The following PAM variants were observed in gnomAD, a reference collection of about 807,000 sequenced individuals.
PAM encodes the protein peptidylglycine alpha-amidating monooxygenase.
In PAM, 72 loss-of-function variants were observed where a neutral mutation model predicts 122.1. The ratio of observed to expected loss-of-function variants is 0.59; its 90% CI spans 0.49 to 0.72. The LOEUF (loss-of-function observed/expected upper bound fraction) is 0.72, where lower values mean the gene tolerates loss of function less well. Ranked by LOEUF, PAM falls within the 30% of genes least tolerant of loss-of-function variation. The pLI is 0.00. For missense variants in PAM, 1,106 were observed against 1,183.7 expected (o/e 0.93, Z 0.96); for synonymous variants, 389 against 404.4 (o/e 0.96, Z 0.46).
intron 4 of PAM, among the ~76,000 whole-genome samples, chr5:102,910,712 C>T (rs551055027): frequency 7.0e-4 from 107 of 151,824 alleles, no homozygotes; most frequent in Non-Finnish European, 1.3e-3. Flanking sequence ...GTTTATTCTG[C>T]CTGTCAGAAT....
intron 5 of PAM, among the ~76,000 whole-genome samples, chr5:102,922,995 G>A (rs1329807267): frequency 1.3e-5 from 2 of 152,170 alleles, no homozygotes; most frequent in African/African-American, 4.8e-5. Flanking sequence ...GTAATGATCA[G>A]TCATCATAAG....
At position 103,006,966 on chromosome 5, in the gene PAM, G is replaced by T; in HGVS notation, c.1969G>T (p.Val657Leu). The stretch of plus-strand genomic sequence containing the variant: ...AGATGGTTACTGCAACAGCAGGATT[G>T]TGCAGTTTTCACCAAGTGGAAAGTT... ...VSDGYCNSRI[V>L]QFSPSGKFIT... The change falls in exon 19 of 26, where the codon GTG becomes TTG. Residue 657 changes from valine to leucine, a missense_variant. By Grantham distance (32) the Val-to-Leu change is conservative (BLOSUM62 1). Transcript: ENST00000438793. 6.2e-7 allele frequency: 1 copy of T among 1,613,962 alleles called. No homozygotes were observed. Among genetic ancestry groups the T allele is most frequent in the South Asian group, 1.1e-5 (1 of 91,066 alleles).
At chr5:102,785,784 G>A (rs976655555) in intron 1 of PAM, among the ~76,000 whole-genome samples, 3 of 152,106 alleles carry the variant, frequency 2.0e-5, no homozygotes, top group African/African-American at 7.2e-5. Flanking sequence ...TTGTCTCGTT[G>A]GAAATTTGGT....
chr5:102,896,305 G>A (rs142575470), intron 3 of PAM, among the ~76,000 whole-genome samples: 3 of 151,730 alleles, frequency 2.0e-5, no homozygotes, highest in African/African-American at 7.2e-5. Context: ...CAGCCACAGT[G>A]TGATTATAGT....
chr5:102,755,873 C>T (rs1750136327), intron 1 of PAM, among the ~76,000 whole-genome samples: 2 of 152,024 alleles, frequency 1.3e-5, no homozygotes, highest in African/African-American at 4.8e-5. Flanking sequence ...AGTGGAAATT[C>T]CTTCCCCTCT....
At chr5:102,861,673 T>C (rs948813608) in intron 1 of PAM, among the ~76,000 whole-genome samples, 4 of 152,184 alleles carry the variant, frequency 2.6e-5, no homozygotes, top group African/African-American at 9.7e-5. Flanking sequence ...AATTTTGTTA[T>C]TTTGATGATT....
At chr5:102,855,482 A>G (rs1261795137) in intron 1 of PAM, among the ~76,000 whole-genome samples, 2 of 152,240 alleles carry the variant, frequency 1.3e-5, no homozygotes, top group Non-Finnish European at 2.9e-5. Context: ...CTGTATGGAT[A>G]GCACCAGAAA....
At chr5:102,823,875 G>T (rs1428591551) in intron 1 of PAM, among the ~76,000 whole-genome samples, 2 of 152,130 alleles carry the variant, frequency 1.3e-5, no homozygotes, top group Non-Finnish European at 2.9e-5. Flanking sequence ...GGAACTAACT[G>T]TATCTCAAAT....
At chr5:102,814,543 TGATATATACATATATATA>T (rs1212403918) in intron 1 of PAM, among the ~76,000 whole-genome samples, 31 of 148,216 alleles carry the variant, frequency 2.1e-4, no homozygotes, top group African/African-American at 6.2e-4. Context: ...ACATATATAT[TGATATATACATATATATA>T]GATATATACA....
chr5:102,908,208 A>G (rs1353636102), intron 4 of PAM, among the ~76,000 whole-genome samples: 1 of 152,066 alleles, frequency 6.6e-6, no homozygotes, highest in Non-Finnish European at 1.5e-5. Context: ...CAGTTTCCCC[A>G]GCACCATTTA....
At chr5:102,867,438 A>G in intron 3 of PAM, 45 bp downstream of exon 3, 2 of 1,478,202 alleles carry the variant, frequency 1.4e-6, no homozygotes, top group African/African-American at 1.4e-5. Context: ...TCTGGATACA[A>G]TCTATAATTA....
At chr5:102,872,456 C>T (rs1787852058) in intron 3 of PAM, among the ~76,000 whole-genome samples, 1 of 152,180 alleles carries the variant, frequency 6.6e-6, no homozygotes, top group Non-Finnish European at 1.5e-5. Context: ...GCTGTTTTCT[C>T]AAATTAACAG....
chr5:102,997,320 G>A (rs1427993191), intron 16 of PAM, among the ~76,000 whole-genome samples: 1 of 152,078 alleles, frequency 6.6e-6, no homozygotes, highest in Non-Finnish European at 1.5e-5. Context: ...AGAAGTTCAA[G>A]ATCAGCCTGG....
At chr5:102,916,012 G>C (rs939996969) in intron 5 of PAM, among the ~76,000 whole-genome samples, 1 of 152,144 alleles carries the variant, frequency 6.6e-6, no homozygotes, top group Non-Finnish European at 1.5e-5. Context: ...ATTTTGAGTA[G>C]AGTAATTGCT....
chr5:102,881,973 A>T (rs1791278063), intron 3 of PAM, among the ~76,000 whole-genome samples: 3 of 146,852 alleles, frequency 2.0e-5, no homozygotes, highest in African/African-American at 5.0e-5. Flanking sequence ...ACTTGGAATA[A>T]AGGTCTCCAG....
At chr5:102,920,863 G>A (rs1747209189) in intron 5 of PAM, among the ~76,000 whole-genome samples, 1 of 151,658 alleles carries the variant, frequency 6.6e-6, no homozygotes, top group East Asian at 1.9e-4. Flanking sequence ...AGTAACCTTG[G>A]ATTTTAAATA....
chr5:102,770,279 G>A (rs1257486794), intron 1 of PAM, among the ~76,000 whole-genome samples: 1 of 152,112 alleles, frequency 6.6e-6, no homozygotes, highest in Non-Finnish European at 1.5e-5. Flanking sequence ...GAGTCTTTAG[G>A]TTTTTCCAAG....
At chr5:103,014,463 T>C (rs1404396964) in intron 21 of PAM, among the ~76,000 whole-genome samples, 1 of 152,226 alleles carries the variant, frequency 6.6e-6, no homozygotes, top group Non-Finnish European at 1.5e-5. Flanking sequence ...TATTCTGTGT[T>C]GACACAGTAA....
intron 1 of PAM, among the ~76,000 whole-genome samples, chr5:102,854,350 A>C (rs987934366): frequency 6.6e-6 from 1 of 152,184 alleles, no homozygotes. Flanking sequence ...TGACTTCTCT[A>C]TACTATACTG....
Sources: allele counts gnomAD v4.1 joint callset (sites outside exome capture counted in the v4.1 genomes callset), GRCh38; gene constraint gnomAD v4.1.1; transcripts MANE v1.5; gene names NCBI Gene and HGNC (gene_info 2026-07-23, HGNC 2026-07-21).